SLC39A11: variants seen among roughly 807,000 people sequenced by gnomAD.
The protein encoded by SLC39A11 is solute carrier family 39 member 11.
Under a neutral mutation model 36.1 loss-of-function variants are expected in SLC39A11, and 33 were observed. That is an observed-to-expected ratio of 0.91 (90% confidence interval 0.69 to 1.22). SLC39A11 has a LOEUF of 1.22. SLC39A11 is among the 50% of genes most tolerant of loss of function. The pLI, the probability that SLC39A11 is intolerant of heterozygous loss-of-function variation, is 0.00. For missense variants in SLC39A11, 432 were observed against 430.3 expected, an observed-to-expected ratio of 1.00 and a Z score of -0.03; for synonymous variants, 166 against 170.3, an observed-to-expected ratio of 0.97 and a Z score of 0.20.
chr17:72,652,790 G>A (rs2069911564), intron 7 of SLC39A11, among the ~76,000 whole-genome samples: 1 of 152,176 alleles, frequency 6.6e-6, no homozygotes, highest in African/African-American at 2.4e-5. Flanking sequence ...TGACACTTGT[G>A]TGAGATTTTT....
intron 7 of SLC39A11, among the ~76,000 whole-genome samples, chr17:72,660,935 C>G (rs1043176705): frequency 2.0e-5 from 3 of 152,192 alleles, no homozygotes; most frequent in Non-Finnish European, 4.4e-5. Flanking sequence ...CTGATTGAGA[C>G]CCACTGACCT....
rs192601210 is a variant in SLC39A11 at position 72,894,408 on chromosome 17, G to A, written c.431-44604C>T. Among the ~76,000 whole-genome samples, 73 of 136,030 alleles carry A rather than the reference G, an allele frequency of 5.4e-4. 1 individual carries two copies. Among genetic ancestry groups the A allele is most frequent in the Admixed American group, 2.6e-3 (33 of 12,920 alleles). The allele number at this position is 136,030 out of a possible 152,430, so 89.2% of individuals were successfully genotyped here. ...AAAAAGGCCAGGGACGGTGACTCAT[G>A]CCTGTAATCGCAGCACTTTGGGAGG... On this transcript the variant is annotated intron_variant, in intron 5 of 9. Transcript: ENST00000255559.
chr17:72,700,825 A>T (rs2072575012), intron 7 of SLC39A11, among the ~76,000 whole-genome samples: 1 of 152,252 alleles, frequency 6.6e-6, no homozygotes, highest in African/African-American at 2.4e-5. Context: ...GTTTCCCCTT[A>T]TAAAACCATC....
At chr17:72,863,593 C>T (rs1179592858) in intron 5 of SLC39A11, among the ~76,000 whole-genome samples, 1 of 152,198 alleles carries the variant, frequency 6.6e-6, no homozygotes, top group African/African-American at 2.4e-5. Flanking sequence ...CATAAACCAC[C>T]TCAAGTGGCA....
intron 7 of SLC39A11, among the ~76,000 whole-genome samples, chr17:72,716,907 T>C (rs2073394631): frequency 6.8e-6 from 1 of 147,468 alleles, no homozygotes; most frequent in Non-Finnish European, 1.5e-5. Context: ...GGGTGGAGGT[T>C]ACAGTGAGCC....
At chr17:72,800,967 T>C (rs1249313430) in intron 6 of SLC39A11, among the ~76,000 whole-genome samples, 1 of 152,196 alleles carries the variant, frequency 6.6e-6, no homozygotes, top group Non-Finnish European at 1.5e-5. Flanking sequence ...GGAATATTAA[T>C]TGGCAACAAA....
At chr17:72,670,569 A>C (rs1351692466) in intron 7 of SLC39A11, among the ~76,000 whole-genome samples, 1 of 152,158 alleles carries the variant, frequency 6.6e-6, no homozygotes, top group Non-Finnish European at 1.5e-5. Context: ...CATTTAAGAA[A>C]ACTATTCAAT....
chr17:72,667,548 C>T (rs151217392), intron 7 of SLC39A11, among the ~76,000 whole-genome samples: 9 of 152,278 alleles, frequency 5.9e-5, no homozygotes, highest in South Asian at 2.1e-4. Context: ...ATGGCCAGGA[C>T]GCCAGTGCCA....
At chr17:72,717,306 C>T (rs1044275576) in intron 7 of SLC39A11, among the ~76,000 whole-genome samples, 1 of 152,024 alleles carries the variant, frequency 6.6e-6, no homozygotes, top group Admixed American at 6.6e-5. Context: ...TAGGGAGACC[C>T]GATGCCCTGG....
intron 5 of SLC39A11, among the ~76,000 whole-genome samples, chr17:72,911,567 C>T (rs2083000892): frequency 6.6e-6 from 1 of 152,124 alleles, no homozygotes; most frequent in South Asian, 2.1e-4. Context: ...CGTTCTCCTT[C>T]CGCTCGCCCA....
intron 4 of SLC39A11, among the ~76,000 whole-genome samples, chr17:72,955,492 A>G (rs2086193124): frequency 1.5e-5 from 2 of 132,820 alleles, no homozygotes; most frequent in East Asian, 2.3e-4. Flanking sequence ...TTTTTTCAGT[A>G]GAGATGAGGT....
At chr17:72,764,468 CTG>C (rs2075695681) in intron 6 of SLC39A11, among the ~76,000 whole-genome samples, 1 of 152,166 alleles carries the variant, frequency 6.6e-6, no homozygotes. Flanking sequence ...TGGTGGGTAA[CTG>C]TAGGATTGGT....
At chr17:72,814,336 C>A (rs564738277) in intron 6 of SLC39A11, among the ~76,000 whole-genome samples, 16 of 152,326 alleles carry the variant, frequency 1.1e-4, no homozygotes, top group African/African-American at 3.8e-4. Flanking sequence ...CCCTCGGCCC[C>A]CAGTGGTCCC....
intron 6 of SLC39A11, among the ~76,000 whole-genome samples, chr17:72,765,237 C>G (rs879299383): frequency 1.3e-5 from 2 of 152,140 alleles, no homozygotes; most frequent in Admixed American, 1.3e-4. Context: ...TTTGACATTT[C>G]TTCCCTGGAC....
intron 3 of SLC39A11, among the ~76,000 whole-genome samples, chr17:73,080,413 G>A (rs991652382): frequency 6.6e-6 from 1 of 152,126 alleles, no homozygotes; most frequent in African/African-American, 2.4e-5. Context: ...AAATGGTGCT[G>A]GGATCATTGG....
intron 3 of SLC39A11, among the ~76,000 whole-genome samples, chr17:73,064,128 T>A (rs1399615392): frequency 6.6e-6 from 1 of 152,096 alleles, no homozygotes; most frequent in East Asian, 1.9e-4. Context: ...ACCTACGCAC[T>A]GGTCGGTGTG....
intron 7 of SLC39A11, among the ~76,000 whole-genome samples, chr17:72,731,380 G>A (rs556327109): frequency 3.0e-4 from 46 of 152,300 alleles, no homozygotes; most frequent in Non-Finnish European, 6.3e-4. Flanking sequence ...ATCTCATGTG[G>A]AATTGTAATC....
chr17:72,912,853 GC>G (rs2083099782), intron 5 of SLC39A11, among the ~76,000 whole-genome samples: 1 of 152,024 alleles, frequency 6.6e-6, no homozygotes, highest in South Asian at 2.1e-4. Flanking sequence ...CCTGAGCTGC[GC>G]CCCCTTCTTT....
chr17:72,693,783 C>G (rs1353140162), intron 7 of SLC39A11, among the ~76,000 whole-genome samples: 1 of 152,190 alleles, frequency 6.6e-6, no homozygotes, highest in African/African-American at 2.4e-5. Context: ...CTGCCTCAGC[C>G]TCCCAAGCAG....
Sources: gnomAD v4.1 joint callset for allele counts (sites outside exome capture counted in the v4.1 genomes callset) on GRCh38, gnomAD v4.1.1 for gene constraint, MANE v1.5 for transcripts, NCBI Gene and HGNC (gene_info 2026-07-23, HGNC 2026-07-21) for gene names.